Variants in ST14 observed in about 807,000 individuals in gnomAD.
The protein encoded by ST14 is suppressor of tumorigenicity 14 protein.
In ST14, 40 loss-of-function variants were observed where a neutral mutation model predicts 96.5. The observed-to-expected ratio is 0.41, with a 90% CI of 0.32 to 0.54. The LOEUF is 0.54. Among genes scored for constraint, ST14 ranks in the 20% least tolerant of loss-of-function variants. The pLI is 0.17. For missense variants in ST14, 1,066 were observed against 1,188.9 expected (o/e 0.90, Z 1.52); for synonymous variants, 506 against 492.1 (o/e 1.03, Z -0.37).
At chr11:130,189,702 C>A in intron 4 of ST14, 37 bp from the exon 5 acceptor site, 1 of 1,604,206 alleles carries the variant, frequency 6.2e-7, no homozygotes, top group South Asian at 1.1e-5. Context: ...GGAAATGGGG[C>A]CCAGAGCTCC....
Position 130,209,486 on chromosome 11 carries a change from A to G in ST14, c.2314A>G (p.Asn772Asp). The change falls in exon 18 of 19, where the codon AAC becomes GAC. Residue 772 changes from asparagine to aspartate, a missense_variant. Transcript: ENST00000278742. Reference protein sequence around the residue: ...ILQKGEIRVINQTTCENLLPQ... With the variant: ...ILQKGEIRVIDQTTCENLLPQ... ...GCAAAAGGGTGAGATCCGCGTCATCAACCAGACCACCTGCGAGAACCTCCT... is the reference window on the plus strand; with the variant it reads ...GCAAAAGGGTGAGATCCGCGTCATCGACCAGACCACCTGCGAGAACCTCCT... 2 of 1,587,394 alleles carry G rather than the reference A, an allele frequency of 1.3e-6. No homozygotes were observed. The highest frequency in any genetic ancestry group is 1.7e-6 in the Non-Finnish European group (2 of 1,167,076).
intron 7 of ST14, among the ~76,000 whole-genome samples, chr11:130,190,963 G>A (rs1008409894): frequency 1.3e-5 from 2 of 152,224 alleles, no homozygotes; most frequent in Non-Finnish European, 2.9e-5. Context: ...GCCCTGAACC[G>A]CCGGAGAGAA....
rs1026181231 is a variant in ST14 at position 130,166,973 on chromosome 11, G to A, written c.81+6913G>A. Reference sequence around the variant, plus strand: ...TGCCTGTAATCCCAGCACTTTGAGAGGCCAGGGCCGATGGATCACTTGAGG... The same window carrying A: ...TGCCTGTAATCCCAGCACTTTGAGAAGCCAGGGCCGATGGATCACTTGAGG... On this transcript the variant is annotated intron_variant, in intron 1 of 18. Coordinates refer to ENST00000278742, the MANE Select transcript of ST14 (RefSeq NM_021978.4). Among the ~76,000 whole-genome samples, 6 of 152,348 alleles carry A rather than the reference G, an allele frequency of 3.9e-5. No homozygotes were observed. In the East Asian group the frequency reaches 9.6e-4, roughly 24 times the overall value.
At chr11:130,194,560 C>T (rs1953338210) in intron 8 of ST14, 80 bp from the exon 9 acceptor site, 1 of 1,456,310 alleles carries the variant, frequency 6.9e-7, no homozygotes, top group Middle Eastern at 1.8e-4. Flanking sequence ...AGCTCCAGGC[C>T]TCAGGCTGCA....
intron 1 of ST14, among the ~76,000 whole-genome samples, chr11:130,184,819 T>G (rs946233230): frequency 6.6e-6 from 1 of 152,232 alleles, no homozygotes; most frequent in Non-Finnish European, 1.5e-5. Context: ...GGAATGAGTC[T>G]CTTCTCCTAC....
rs1050525268 is a variant in ST14, at chr11:130,187,795, G to A, written c.82-319G>A. ...CACTGAAGGGGAGACCTGGATGACC[G>A]GGTTCGACAGCCCTTCATTGCGTTT... On this transcript the variant is annotated intron_variant, in intron 1 of 18. Transcript: ENST00000278742. The surrounding 1 kb of genome is among the most constrained non-coding windows in gnomAD (Gnocchi z 4.5). Among the ~76,000 whole-genome samples the A allele has an allele frequency of 2.6e-5, 4 of 152,190 alleles. No individual in the cohort carries two copies. The highest frequency in any genetic ancestry group is 2.1e-4 in the South Asian group (1 of 4,834).
intron 7 of ST14, 98 bp from the exon 8 acceptor site, chr11:130,194,049 GGT>G: frequency 2.0e-6 from 3 of 1,500,756 alleles, no homozygotes; most frequent in Non-Finnish European, 2.8e-6. Context: ...CAGAGTTAGG[GGT>G]GGGGTCCTCA....
intron 7 of ST14, 125 bp from the exon 8 acceptor site, chr11:130,194,024 C>T (rs905044480): frequency 2.4e-6 from 3 of 1,255,382 alleles, no homozygotes; most frequent in African/African-American, 2.9e-5. Flanking sequence ...CATTCTTGGC[C>T]TCTGTGGATG....
intron 15 of ST14, among the ~76,000 whole-genome samples, chr11:130,199,587 C>T (rs1217797052): frequency 2.0e-5 from 3 of 152,216 alleles, no homozygotes; most frequent in Admixed American, 6.5e-5. Flanking sequence ...CTTCTCCCTG[C>T]TCCATGCTGC....
intron 16 of ST14, among the ~76,000 whole-genome samples, chr11:130,201,467 A>G (rs1249486009): frequency 6.6e-6 from 1 of 152,250 alleles, no homozygotes; most frequent in Non-Finnish European, 1.5e-5. Flanking sequence ...GCACAGATGG[A>G]GTGTGCTCAG....
At chr11:130,204,745 C>T (rs1405070097) in intron 16 of ST14, among the ~76,000 whole-genome samples, 1 of 152,002 alleles carries the variant, frequency 6.6e-6, no homozygotes, top group Non-Finnish European at 1.5e-5. Context: ...GTCTGGGAGG[C>T]GGAGGTTGTG....
At position 130,194,129 on chromosome 11, in the gene ST14, C is replaced by G; in HGVS notation, c.876-20C>G. 1.2e-6 allele frequency: 2 copies of G among 1,614,162 alleles called. No individual in the cohort carries two copies. Among genetic ancestry groups the G allele is most frequent in the Non-Finnish European group, 1.7e-6 (2 of 1,180,016 alleles). On this transcript the variant is annotated intron_variant, in intron 7 of 18. Transcript: ENST00000278742. ...TGGGTTCTGTCTGCTCTTCCTAATG[C>G]CCGCCCTCTGCCCCCACAGGTTGTG...
chr11:130,161,151 T>A (rs1952995932), intron 1 of ST14, among the ~76,000 whole-genome samples: 1 of 152,184 alleles, frequency 6.6e-6, no homozygotes. Flanking sequence ...ACGCTGGGGC[T>A]TTGGAGGCTG....
chr11:130,165,565 C>T (rs540750447), intron 1 of ST14, among the ~76,000 whole-genome samples: 2 of 152,312 alleles, frequency 1.3e-5, no homozygotes, highest in South Asian at 2.1e-4. Context: ...GATTTTCCCC[C>T]GAATCCTGTG....
intron 1 of ST14, among the ~76,000 whole-genome samples, chr11:130,180,870 G>A (rs780645535): frequency 2.9e-4 from 44 of 152,190 alleles, no homozygotes; most frequent in Non-Finnish European, 5.6e-4. Context: ...GCCTTGGGGA[G>A]GATATGCATC....
chr11:130,171,052 C>T (rs1330574658), intron 1 of ST14, among the ~76,000 whole-genome samples: 1 of 152,192 alleles, frequency 6.6e-6, no homozygotes, highest in Non-Finnish European at 1.5e-5. Context: ...ACAGATGATA[C>T]TGCTGTTGTG....
Position 130,198,971 on chromosome 11 carries a change from A to C in ST14, c.1709A>C (p.His570Pro). The C allele has an allele frequency of 6.2e-7, 1 of 1,614,032 alleles. No individual in the cohort carries two copies. Among genetic ancestry groups the C allele is most frequent in the Non-Finnish European group, 8.5e-7 (1 of 1,179,964 alleles). ...PKVNVVTCTK[H>P]TYRCLNGLCL... ...GTGAACGTCGTCACTTGTACCAAAC[A>C]CACCTACCGCTGCCTCAATGGGCTC... The change falls in exon 15 of 19, where the codon CAC becomes CCC. Residue 570 changes from histidine to proline, a missense_variant. Physicochemically the swap from His to Pro is moderately conservative, Grantham distance 77. Coordinates refer to ENST00000278742, the MANE Select transcript of ST14 (RefSeq NM_021978.4).
intron 16 of ST14, among the ~76,000 whole-genome samples, chr11:130,202,921 G>A (rs1415587465): frequency 4.6e-5 from 7 of 152,180 alleles, no homozygotes; most frequent in Admixed American, 3.9e-4. Flanking sequence ...CTGAGCACTA[G>A]CGATTCCCAA....
Position 130,159,842 on chromosome 11 carries a change from G to C in ST14, c.-138G>C, listed in dbSNP as rs1268270735. On this transcript the variant is annotated 5_prime_UTR_variant, in exon 1 of 19. Transcript: ENST00000278742. ...GGGAGAGAGAGCGCGCCAGGGCGAG[G>C]GCACCGCCGCCGGTCGGGCGCGCTG... 6 of 269,664 alleles carry C rather than the reference G, an allele frequency of 2.2e-5. No homozygotes were observed. The highest frequency in any genetic ancestry group is 1.1e-4 in the African/African-American group (5 of 44,164). The allele number at this position is 269,664 out of a possible 1,614,324, so 16.7% of individuals were successfully genotyped here. A position where few individuals can be genotyped will look rare whatever the true frequency, so the allele number is the denominator to read the frequency against.
Sources: allele counts gnomAD v4.1 joint callset (sites outside exome capture counted in the v4.1 genomes callset), GRCh38; gene constraint gnomAD v4.1.1; non-coding constraint Gnocchi (gnomAD v3.1); transcripts MANE v1.5; gene names NCBI Gene and HGNC (gene_info 2026-07-23, HGNC 2026-07-21).